ATP8A2: variants seen among roughly 807,000 people sequenced by gnomAD.
The protein encoded by ATP8A2 is ATPase phospholipid transporting 8A2.
A neutral mutation model predicts 165.6 loss-of-function variants in ATP8A2; 100 were observed. The ratio of observed to expected loss-of-function variants is 0.60; its 90% CI spans 0.51 to 0.71. The LOEUF is 0.71. Ranked by LOEUF, ATP8A2 falls within the 30% of genes least tolerant of loss-of-function variation. ATP8A2 has a pLI of 0.00. For synonymous variants in ATP8A2, 543 were observed against 548.8 expected (o/e 0.99, Z 0.15); for missense variants, 1,227 against 1,479.5 (o/e 0.83, Z 2.80).
At chr13:25,700,643 A>G (rs1326694255) in intron 25 of ATP8A2, among the ~76,000 whole-genome samples, 1 of 152,146 alleles carries the variant, frequency 6.6e-6, no homozygotes, top group Non-Finnish European at 1.5e-5. Context: ...TTTGACTGTT[A>G]CGTGTAATGC....
In ATP8A2 at chr13:25,533,208, G is replaced by T; in HGVS notation, c.467-65G>T. Reference sequence around the variant, plus strand: ...ATGGAATTCTAAAAGAAAGCTTTTGGATTTTAGGAAGCTGATTCAATTTAA... The same window carrying T: ...ATGGAATTCTAAAAGAAAGCTTTTGTATTTTAGGAAGCTGATTCAATTTAA... On this transcript the variant is annotated intron_variant, in intron 5 of 36. Coordinates refer to ENST00000381655, the MANE Select transcript of ATP8A2 (RefSeq NM_016529.6). 3 of 864,336 alleles carry T rather than the reference G, an allele frequency of 3.5e-6. No individual in the cohort carries two copies. The South Asian group carries it at 4.4e-5, about 13-fold the overall frequency. 53.5% of individuals were successfully genotyped at this position (864,336 alleles called of 1,614,324 possible). A position where few individuals can be genotyped will look rare whatever the true frequency, so the allele number is the denominator to read the frequency against.
chr13:25,553,160 T>G (rs1240201239), intron 11 of ATP8A2, among the ~76,000 whole-genome samples: 1 of 151,752 alleles, frequency 6.6e-6, no homozygotes, highest in African/African-American at 2.4e-5. Context: ...GAAAGAACTT[T>G]CCCTTTGATA....
chr13:25,842,335 G>A (rs779728910), intron 30 of ATP8A2, among the ~76,000 whole-genome samples: 8 of 152,130 alleles, frequency 5.3e-5, no homozygotes, highest in Non-Finnish European at 1.2e-4. Flanking sequence ...AATTTAGGAA[G>A]GCAGATAAAA....
intron 24 of ATP8A2, among the ~76,000 whole-genome samples, chr13:25,639,112 A>T (rs981544022): frequency 1.7e-3 from 22 of 13,312 alleles, no homozygotes; most frequent in Non-Finnish European, 2.7e-3. Context: ...GGAAGCACTA[A>T]ACATGGAAAG....
chr13:25,493,409 G>T (rs950206617), intron 2 of ATP8A2, among the ~76,000 whole-genome samples: 1 of 152,076 alleles, frequency 6.6e-6, no homozygotes, highest in Non-Finnish European at 1.5e-5. Context: ...TTTGATGGGG[G>T]CGCTTAAACC....
chr13:25,648,812 GTTTGTATCA>G (rs1486933354), intron 24 of ATP8A2, among the ~76,000 whole-genome samples: 2 of 152,146 alleles, frequency 1.3e-5, no homozygotes, highest in Non-Finnish European at 2.9e-5. Context: ...GTATTTTTAA[GTTTGTATCA>G]TTTTTTATTG....
chr13:25,641,440 A>T (rs946977848), intron 24 of ATP8A2, among the ~76,000 whole-genome samples: 1 of 152,324 alleles, frequency 6.6e-6, no homozygotes, highest in African/African-American at 2.4e-5. Flanking sequence ...CAAAAATCAC[A>T]AGCATTCCTA....
chr13:25,537,793 G>A (rs187811219), intron 6 of ATP8A2, among the ~76,000 whole-genome samples, 195 bp from the exon 7 acceptor site: 2 of 152,210 alleles, frequency 1.3e-5, no homozygotes, highest in African/African-American at 2.4e-5. Context: ...GCAAAAAAAG[G>A]CAACATTACC....
At chr13:25,966,919 G>A (rs1955789552) in intron 34 of ATP8A2, among the ~76,000 whole-genome samples, 1 of 152,188 alleles carries the variant, frequency 6.6e-6, no homozygotes, top group South Asian at 2.1e-4. Flanking sequence ...TAGGGAGAGA[G>A]AGGGAGGGTG....
chr13:25,547,545 A>G (rs1179956645), intron 10 of ATP8A2, among the ~76,000 whole-genome samples: 7 of 152,214 alleles, frequency 4.6e-5, no homozygotes, highest in African/African-American at 1.7e-4. Flanking sequence ...AGACAAGCTC[A>G]GGGCTCCCAC....
chr13:25,934,558 A>T (rs181416614), intron 33 of ATP8A2, among the ~76,000 whole-genome samples: 13 of 152,356 alleles, frequency 8.5e-5, no homozygotes, highest in Admixed American at 2.6e-4. Flanking sequence ...CAAATGAAGG[A>T]TAACGCTCTT....
rs1371476903 is a variant in ATP8A2, at chr13:25,629,428, T to C, written c.2211+39729T>C. On this transcript the variant is annotated intron_variant, in intron 24 of 36. Coordinates refer to ENST00000381655, the MANE Select transcript of ATP8A2 (RefSeq NM_016529.6). ...AAGATGAAAAAATTAATGATTTTCCTTTTAATCAGCCGTTTAATCTTGTAG... is the reference window on the plus strand; with the variant it reads ...AAGATGAAAAAATTAATGATTTTCCCTTTAATCAGCCGTTTAATCTTGTAG... Among the ~76,000 whole-genome samples the C allele has an allele frequency of 2.0e-5, 3 of 152,228 alleles. 1 individual carries two copies. The highest frequency in any genetic ancestry group is 4.8e-5 in the African/African-American group (2 of 41,474).
intron 28 of ATP8A2, among the ~76,000 whole-genome samples, chr13:25,828,816 G>A (rs973400785): frequency 5.9e-5 from 9 of 152,098 alleles, no homozygotes; most frequent in Admixed American, 5.9e-4. Context: ...AGCTAAAATG[G>A]CTCAGTAGCT....
rs115974116 is a variant in ATP8A2 at position 25,769,891 on chromosome 13, T to C, written c.2568+662T>C. Among the ~76,000 whole-genome samples, 132 of 152,304 alleles carry C rather than the reference T, an allele frequency of 8.7e-4. 1 individual carries two copies. The highest frequency in any genetic ancestry group is 2.8e-3 in the African/African-American group (117 of 41,572). On this transcript the variant is annotated intron_variant, in intron 26 of 36. Transcript: ENST00000381655. The stretch of plus-strand genomic sequence containing the variant: ...GCCTCGCATGCCAGGGCTCCTGATG[T>C]GCTGTACTGCACTGGTGGCCTGAGG...
chr13:25,971,347 A>G (rs996536209), intron 35 of ATP8A2, among the ~76,000 whole-genome samples: 4 of 150,750 alleles, frequency 2.7e-5, no homozygotes, highest in African/African-American at 7.3e-5. Context: ...CTTCTTTCAC[A>G]CCTGCTTAGA....
intron 1 of ATP8A2, among the ~76,000 whole-genome samples, chr13:25,426,125 G>A (rs893019075): frequency 6.6e-6 from 1 of 152,174 alleles, no homozygotes; most frequent in Non-Finnish European, 1.5e-5. Context: ...GGCCATTCTG[G>A]TGTTGCTATA....
chr13:25,751,540 G>A (rs1008398830), intron 25 of ATP8A2, among the ~76,000 whole-genome samples: 1 of 151,954 alleles, frequency 6.6e-6, no homozygotes, highest in African/African-American at 2.4e-5. Context: ...GGATTCAAGC[G>A]ATCTTCCTGC....
At chr13:25,930,550 C>T (rs923218779) in intron 33 of ATP8A2, among the ~76,000 whole-genome samples, 3 of 152,224 alleles carry the variant, frequency 2.0e-5, no homozygotes, top group African/African-American at 7.2e-5. Context: ...GCAATGGCAT[C>T]AAAATGCTTT....
At position 25,788,075 on chromosome 13, in the gene ATP8A2, C is replaced by T. The variant is rs542748337; in HGVS notation, c.2679+13116C>T. Among the ~76,000 whole-genome samples the T allele has an allele frequency of 9.3e-4, 141 of 152,274 alleles. 1 individual carries two copies. Among genetic ancestry groups the T allele is most frequent in the African/African-American group, 3.2e-3 (134 of 41,570 alleles). On this transcript the variant is annotated intron_variant, in intron 27 of 36. Transcript: ENST00000381655. ...AGCAGCATGGTTACAGGTGAGGCCC[C>T]GCACCCAGGCCAGCTGTGGGACCTA...
Sources: gnomAD v4.1 joint callset for allele counts (sites outside exome capture counted in the v4.1 genomes callset) on GRCh38, gnomAD v4.1.1 for gene constraint, MANE v1.5 for transcripts, NCBI Gene and HGNC (gene_info 2026-07-23, HGNC 2026-07-21) for gene names.